The following BCAR3 variants were observed in gnomAD, a reference collection of about 807,000 sequenced individuals.
BCAR3 encodes BCAR3 adaptor protein, NSP family member, also known as breast cancer anti-estrogen resistance protein 3.
Under a neutral mutation model 80.1 loss-of-function variants are expected in BCAR3, and 37 were observed. That is an observed-to-expected ratio of 0.46 (90% confidence interval 0.36 to 0.61). The LOEUF is 0.61. Ranked by LOEUF, BCAR3 falls within the 20% of genes least tolerant of loss-of-function variation. The pLI, the probability that BCAR3 is intolerant of heterozygous loss-of-function variation, is 0.00. For missense variants in BCAR3, 978 were observed against 1,068.2 expected (o/e 0.92, Z 1.18); for synonymous variants, 389 against 418.9 (o/e 0.93, Z 0.87).
intron 3 of BCAR3, among the ~76,000 whole-genome samples, chr1:93,619,660 G>A (rs1188122956): frequency 6.6e-6 from 1 of 152,196 alleles, no homozygotes; most frequent in Non-Finnish European, 1.5e-5. Flanking sequence ...GCAGAGTGCT[G>A]CAGAAATGGG....
At chr1:93,695,565 T>G (rs1340868928) in intron 3 of BCAR3, among the ~76,000 whole-genome samples, 1 of 152,232 alleles carries the variant, frequency 6.6e-6, no homozygotes, top group East Asian at 1.9e-4. Context: ...CTGTTCCAGC[T>G]CAGCCAGTTA....
chr1:93,826,006 CAGA>C (rs1274168305), intron 2 of BCAR3, among the ~76,000 whole-genome samples: 2 of 152,124 alleles, frequency 1.3e-5, no homozygotes, highest in Admixed American at 6.5e-5. Flanking sequence ...TCTTGATGCA[CAGA>C]AGGAGTTCAG....
At chr1:93,563,364 T>C (rs1557831107) in intron 11 of BCAR3, among the ~76,000 whole-genome samples, 1 of 152,044 alleles carries the variant, frequency 6.6e-6, no homozygotes, top group Non-Finnish European at 1.5e-5. Flanking sequence ...GATTATTCCA[T>C]ATGTTGCATG....
intron 2 of BCAR3, among the ~76,000 whole-genome samples, chr1:93,744,911 C>T (rs1651304419): frequency 1.3e-5 from 2 of 152,166 alleles, no homozygotes; most frequent in Non-Finnish European, 2.9e-5. Context: ...TTCTCTTTCC[C>T]CTTCCAGGCC....
chr1:93,814,698 G>T (rs551698801), intron 2 of BCAR3, among the ~76,000 whole-genome samples: 2 of 152,166 alleles, frequency 1.3e-5, no homozygotes, highest in Non-Finnish European at 2.9e-5. Context: ...GGCATCCACT[G>T]GTGTTACAGC....
At chr1:93,771,561 AT>A (rs1335184098) in intron 2 of BCAR3, among the ~76,000 whole-genome samples, 2 of 152,234 alleles carry the variant, frequency 1.3e-5, no homozygotes, top group African/African-American at 4.8e-5. Context: ...TCAAGGGCAG[AT>A]TTGGAATAGG....
chr1:93,636,225 G>A (rs1675775164), intron 3 of BCAR3, among the ~76,000 whole-genome samples: 2 of 152,164 alleles, frequency 1.3e-5, no homozygotes, highest in Admixed American at 6.5e-5. Flanking sequence ...CATCTGCACT[G>A]TGAAGGGAGA....
chr1:93,798,990 G>A (rs936339238), intron 2 of BCAR3, among the ~76,000 whole-genome samples: 8 of 152,162 alleles, frequency 5.3e-5, no homozygotes, highest in Non-Finnish European at 1.2e-4. Flanking sequence ...AAAGTACATT[G>A]TAATAAAGCC....
rs147615079 is a variant in BCAR3 at position 93,828,786 on chromosome 1, C to G, written c.-63+16781G>C. ...CTCAGCTCACTGCAACCACTGCCTC[C>G]TGGGTTCAAGCAATCCGTGTCTCAG... On this transcript the variant is annotated intron_variant, in intron 2 of 13. Transcript: ENST00000370244. Among the ~76,000 whole-genome samples, 391 of 152,250 alleles carry G rather than the reference C, an allele frequency of 2.6e-3. 1 individual carries two copies. Among genetic ancestry groups the G allele is most frequent in the African/African-American group, 8.9e-3 (368 of 41,554 alleles).
intron 2 of BCAR3, among the ~76,000 whole-genome samples, chr1:93,706,371 A>G (rs1192665631): frequency 6.6e-6 from 1 of 152,140 alleles, no homozygotes; most frequent in Non-Finnish European, 1.5e-5. Context: ...GCAGGTTACA[A>G]TTAATTACAA....
At chr1:93,827,091 C>T (rs1654398494) in intron 2 of BCAR3, among the ~76,000 whole-genome samples, 1 of 152,110 alleles carries the variant, frequency 6.6e-6, no homozygotes, top group South Asian at 2.1e-4. Context: ...CAGGGCCATA[C>T]AGGTACTTGA....
chr1:93,641,482 T>C (rs1675975858), intron 3 of BCAR3, among the ~76,000 whole-genome samples: 1 of 152,222 alleles, frequency 6.6e-6, no homozygotes, highest in Admixed American at 6.5e-5. Flanking sequence ...GAATCAGACT[T>C]CTTTCTTCTG....
intron 2 of BCAR3, among the ~76,000 whole-genome samples, chr1:93,746,971 A>G (rs74101688): frequency 0.12 from 17,797 of 152,088 alleles, 1,461 homozygotes; most frequent in African/African-American, 0.22. Context: ...TTCCTTCACC[A>G]ACTCTTTCTC....
chr1:93,745,359 G>A (rs896993575), intron 2 of BCAR3, among the ~76,000 whole-genome samples: 1 of 152,260 alleles, frequency 6.6e-6, no homozygotes, highest in South Asian at 2.1e-4. Context: ...GCGTTTGTGA[G>A]AAGAGCAGAG....
At chr1:93,596,642 C>T (rs1449821829) in intron 3 of BCAR3, among the ~76,000 whole-genome samples, 1 of 152,224 alleles carries the variant, frequency 6.6e-6, no homozygotes, top group African/African-American at 2.4e-5. Flanking sequence ...AATAATCATT[C>T]GCTCACATAA....
chr1:93,797,372 T>C (rs547970116), intron 2 of BCAR3, among the ~76,000 whole-genome samples: 22 of 152,354 alleles, frequency 1.4e-4, no homozygotes, highest in African/African-American at 4.6e-4. Context: ...CATTCTCAAC[T>C]TGTCTTAATG....
intron 2 of BCAR3, among the ~76,000 whole-genome samples, chr1:93,814,884 T>A (rs1313241210): frequency 6.6e-6 from 1 of 152,120 alleles, no homozygotes; most frequent in East Asian, 1.9e-4. Context: ...AAAGACGGAG[T>A]GCAAACTCCG....
Position 93,571,721 on chromosome 1 carries a change from C to T in BCAR3, c.1923G>A (p.Met641Ile), listed in dbSNP as rs1375203849. The T allele has an allele frequency of 1.2e-6, 2 of 1,614,136 alleles. No individual in the cohort carries two copies. The highest frequency in any genetic ancestry group is 2.2e-5 in the East Asian group (1 of 44,864). Residue 641 changes from methionine to isoleucine, a missense_variant, in exon 9 of 12, where the codon ATG becomes ATA. Met to Ile is a conservative substitution (Grantham distance 10). Coordinates refer to ENST00000260502, the MANE Select transcript of BCAR3 (RefSeq NM_003567.4). ...IQVAVELKDS[M>I]GDLYSFSALM... Reference sequence around the variant, plus strand: ...GAGCTGAGAAGGAATAGAGGTCCCCCATGGAATCCTTCAGTTCCACCGCCA... The same window carrying T: ...GAGCTGAGAAGGAATAGAGGTCCCCTATGGAATCCTTCAGTTCCACCGCCA...
chr1:93,592,201 G>A lies in BCAR3; in HGVS notation c.486+64C>T. ...GTGGCCTCGGAGTGGGACCCTGCGGGTCATCAATCTGTACATTGCCTGAGA... is the reference window on the plus strand; with the variant it reads ...GTGGCCTCGGAGTGGGACCCTGCGGATCATCAATCTGTACATTGCCTGAGA... On this transcript the variant is annotated intron_variant, in intron 4 of 11. Coordinates refer to ENST00000260502, the MANE Select transcript of BCAR3 (RefSeq NM_003567.4). This position sits in a 1 kb window ranked among gnomAD's most constrained non-coding sequence, Gnocchi z 4.8. The A allele has an allele frequency of 6.2e-7, 1 of 1,601,228 alleles. No homozygotes were observed. The highest frequency in any genetic ancestry group is 8.5e-7 in the Non-Finnish European group (1 of 1,176,092).
Sources: gnomAD v4.1 joint callset for allele counts (sites outside exome capture counted in the v4.1 genomes callset) on GRCh38, gnomAD v4.1.1 for gene constraint, Gnocchi (gnomAD v3.1) non-coding constraint, MANE v1.5 for transcripts, NCBI Gene and HGNC (gene_info 2026-07-23, HGNC 2026-07-21) for gene names.